Variants in SGF29 observed in about 807,000 individuals in gnomAD.
SGF29 encodes the protein SAGA complex associated factor 29.
A neutral mutation model predicts 38.1 loss-of-function variants in SGF29; 15 were observed. That is an observed-to-expected ratio of 0.39 (90% CI 0.26 to 0.61). SGF29 has a LOEUF of 0.61. Ranked by LOEUF, SGF29 falls within the 20% of genes least tolerant of loss-of-function variation. SGF29 has a pLI of 0.49. For missense variants in SGF29, 184 were observed against 394.6 expected (o/e 0.47, Z 4.52); for synonymous variants, 151 against 160.8 (o/e 0.94, Z 0.46).
chr16:28,570,137 C>T (rs1359195905), intron 1 of SGF29, among the ~76,000 whole-genome samples: 1 of 152,210 alleles, frequency 6.6e-6, no homozygotes, highest in Non-Finnish European at 1.5e-5. Flanking sequence ...CAGTGTGCAA[C>T]TCCAGCCTGG....
intron 3 of SGF29, 61 bp from the exon 4 acceptor site, chr16:28,585,587 C>T: frequency 1.5e-6 from 2 of 1,368,582 alleles, no homozygotes; most frequent in South Asian, 2.3e-5. Context: ...TGCATGGAAG[C>T]AGTGCCATGC....
chr16:28,560,974 AAAG>A (rs200683579), intron 1 of SGF29, among the ~76,000 whole-genome samples: 2,757 of 151,594 alleles, frequency 0.018, 77 homozygotes, highest in African/African-American at 0.063. Flanking sequence ...AAAAAAAAAA[AAAG>A]GCAATCAACG....
At chr16:28,588,621 A>C (rs993438519) in intron 4 of SGF29, 10 of 434,238 alleles carry the variant, frequency 2.3e-5, no homozygotes, top group African/African-American at 1.5e-4. Flanking sequence ...TTGGAGTGCA[A>C]TGACGCGATC....
intron 1 of SGF29, among the ~76,000 whole-genome samples, chr16:28,573,408 C>T (rs2151647594): frequency 6.6e-6 from 1 of 152,206 alleles, no homozygotes; most frequent in South Asian, 2.1e-4. Flanking sequence ...TGTTGACTCT[C>T]TTGATGAGAG....
chr16:28,564,698 TATATATATAC>T (rs1336533615), intron 1 of SGF29, among the ~76,000 whole-genome samples: 2,562 of 70,896 alleles, frequency 0.036, 62 homozygotes, highest in East Asian at 0.12. Context: ...TATATATATG[TATATATATAC>T]ATATATATGT....
chr16:28,560,200 G>A (rs1400798347), intron 1 of SGF29, among the ~76,000 whole-genome samples: 1 of 151,812 alleles, frequency 6.6e-6, no homozygotes, highest in Non-Finnish European at 1.5e-5. Context: ...CTCCAGCCTG[G>A]GCAACAGAGC....
intron 1 of SGF29, 127 bp from the exon 2 acceptor site, chr16:28,580,928 G>A (rs1037043972): frequency 3.6e-5 from 25 of 696,398 alleles, no homozygotes; most frequent in South Asian, 1.4e-4. Context: ...CAATCCTCCC[G>A]CCTTGGCCTC....
chr16:28,585,040 T>TATGG, intron 3 of SGF29, 52 bp downstream of exon 3: 1 of 1,410,952 alleles, frequency 7.1e-7, no homozygotes, highest in Non-Finnish European at 1.0e-6. Context: ...CTAGGGTGAG[T>TATGG]ATGGCCAAGA....
At chr16:28,568,746 G>A (rs939187991) in intron 1 of SGF29, among the ~76,000 whole-genome samples, 4 of 151,930 alleles carry the variant, frequency 2.6e-5, no homozygotes, top group African/African-American at 9.7e-5. Flanking sequence ...AACCCTGTCT[G>A]TACTAAAAAT....
At chr16:28,564,764 T>TATATATATAC (rs2046825204) in intron 1 of SGF29, among the ~76,000 whole-genome samples, 2 of 62,816 alleles carry the variant, frequency 3.2e-5, no homozygotes, top group African/African-American at 6.8e-5. Flanking sequence ...TGTATATATG[T>TATATATATAC]ATATATATGT....
chr16:28,560,830 G>A (rs1200533166), intron 1 of SGF29, among the ~76,000 whole-genome samples: 4 of 151,556 alleles, frequency 2.6e-5, no homozygotes, highest in East Asian at 3.9e-4. Flanking sequence ...GCGTGGTGGC[G>A]GGTGCCTGTA....
At chr16:28,572,936 C>A (rs899992988) in intron 1 of SGF29, among the ~76,000 whole-genome samples, 1 of 151,998 alleles carries the variant, frequency 6.6e-6, no homozygotes, top group Non-Finnish European at 1.5e-5. Context: ...CCATTCAGCA[C>A]CCCCCATACC....
rs2046821879 is a variant in SGF29, at chr16:28,564,716, T to TGTATATATATGTGTATATATAC, written c.-16+10629_-16+10630insGTGTATATATACGTATATATAT. The stretch of plus-strand genomic sequence containing the variant: ...ATATATGTATATATATACATATATA[T>TGTATATATATGTGTATATATAC]GTATATATATACATATATATGTATA... On this transcript the variant is annotated intron_variant, in intron 1 of 9. Transcript: ENST00000317058. Among the ~76,000 whole-genome samples the TGTATATATATGTGTATATATAC allele has an allele frequency of 5.3e-5, 4 of 75,566 alleles. 1 individual carries two copies. The highest frequency in any genetic ancestry group is 6.0e-4 in the East Asian group (2 of 3,360). 49.6% of individuals were successfully genotyped at this position (75,566 alleles called of 152,430 possible).
intron 1 of SGF29, among the ~76,000 whole-genome samples, chr16:28,557,861 C>T (rs2046762025): frequency 6.6e-6 from 1 of 151,910 alleles, no homozygotes; most frequent in African/African-American, 2.4e-5. Context: ...TTTGTTTTTT[C>T]CTCACAGACT....
At chr16:28,570,687 TCCTGCC>T (rs2046859979) in intron 1 of SGF29, among the ~76,000 whole-genome samples, 1 of 151,990 alleles carries the variant, frequency 6.6e-6, no homozygotes, top group African/African-American at 2.4e-5. Context: ...TAAGTGATTC[TCCTGCC>T]TCAGCTTCCT....
intron 3 of SGF29, 33 bp from the exon 4 acceptor site, chr16:28,585,615 C>T (rs751742957): frequency 2.8e-5 from 44 of 1,595,396 alleles, no homozygotes; most frequent in Non-Finnish European, 3.7e-5. Flanking sequence ...CCTGCCCTGG[C>T]CCTGCCTCCT....
chr16:28,554,366 G>C (rs1191603994), intron 1 of SGF29, among the ~76,000 whole-genome samples: 1 of 152,116 alleles, frequency 6.6e-6, no homozygotes, highest in African/African-American at 2.4e-5. Flanking sequence ...GGGAAACAGC[G>C]ACACGCTGGG....
chr16:28,562,626 T>A (rs969760595), intron 1 of SGF29, among the ~76,000 whole-genome samples: 1 of 152,058 alleles, frequency 6.6e-6, no homozygotes, highest in Non-Finnish European at 1.5e-5. Context: ...TCTTGGCCGC[T>A]CATGGTGACT....
intron 1 of SGF29, among the ~76,000 whole-genome samples, chr16:28,570,030 A>ACAGGGTAAGAACTG (rs1241607206): frequency 1.3e-5 from 2 of 152,348 alleles, no homozygotes; most frequent in African/African-American, 4.8e-5. Context: ...GAGAACTGAC[A>ACAGGGTAAGAACTG]CAGGGTAAGG....
Sources: gnomAD v4.1 joint callset for allele counts (sites outside exome capture counted in the v4.1 genomes callset) on GRCh38, gnomAD v4.1.1 for gene constraint, MANE v1.5 for transcripts, NCBI Gene and HGNC (gene_info 2026-07-23, HGNC 2026-07-21) for gene names.